The following SNRPN variants were observed in gnomAD, a reference collection of about 807,000 sequenced individuals.
SNRPN encodes the protein small nuclear ribonucleoprotein-associated protein N.
A neutral mutation model predicts 25.2 loss-of-function variants in SNRPN; 7 were observed. That is an observed-to-expected ratio of 0.28 (90% CI 0.16 to 0.52). The LOEUF (loss-of-function observed/expected upper bound fraction) is 0.52, where lower values mean the gene tolerates loss of function less well. Among genes scored for constraint, SNRPN ranks in the 20% least tolerant of loss-of-function variants. The pLI is 0.96. For synonymous variants in SNRPN, 124 were observed against 110.6 expected, an observed-to-expected ratio of 1.12 and a Z score of -0.76; for missense variants, 196 against 322.5, an observed-to-expected ratio of 0.61 and a Z score of 3.00.
At chr15:24,960,646 T>G (rs543472916) in intron 1 of SNRPN, among the ~76,000 whole-genome samples, 1 of 152,360 alleles carries the variant, frequency 6.6e-6, no homozygotes, top group South Asian at 2.1e-4. Context: ...ATGTTCAGCA[T>G]CATTTCATAT....
chr15:24,970,898 CA>C (rs2076316988), intron 3 of SNRPN, among the ~76,000 whole-genome samples: 2 of 151,958 alleles, frequency 1.3e-5, no homozygotes, highest in Admixed American at 6.6e-5. Flanking sequence ...TAATATTTTG[CA>C]TTTAGTTTTC....
At chr15:24,825,161 G>A (rs1017435003) in intron 1 of SNRPN, among the ~76,000 whole-genome samples, 4 of 151,944 alleles carry the variant, frequency 2.6e-5, no homozygotes, top group African/African-American at 9.7e-5. Context: ...GCTGCAGTCA[G>A]GCACTCGGGG....
At chr15:24,961,239 T>C (rs991966987) in intron 1 of SNRPN, among the ~76,000 whole-genome samples, 5 of 152,190 alleles carry the variant, frequency 3.3e-5, no homozygotes, top group Non-Finnish European at 5.9e-5. Context: ...TTTAAACTCT[T>C]GAAAGAATAA....
At chr15:24,873,598 C>T (rs551177145) in intron 1 of SNRPN, among the ~76,000 whole-genome samples, 1 of 152,066 alleles carries the variant, frequency 6.6e-6, no homozygotes, top group East Asian at 2.0e-4. Context: ...CAAGTGCCCA[C>T]CACCACGCCT....
chr15:24,867,535 C>A (rs1180773070), intron 1 of SNRPN, among the ~76,000 whole-genome samples: 1 of 152,008 alleles, frequency 6.6e-6, no homozygotes, highest in Non-Finnish European at 1.5e-5. Flanking sequence ...CCACCACGCT[C>A]AGCTAATTTT....
At chr15:24,864,339 CTTTTTTTT>C (rs58622804) in intron 1 of SNRPN, among the ~76,000 whole-genome samples, 2 of 117,276 alleles carry the variant, frequency 1.7e-5, no homozygotes, top group Admixed American at 9.0e-5. Context: ...CTCTTCTTTT[CTTTTTTTT>C]TTTTTTTTTT....
chr15:24,976,464 A>G (rs2077070940), intron 6 of SNRPN, 48 bp downstream of exon 6: 3 of 1,230,260 alleles, frequency 2.4e-6, no homozygotes, highest in South Asian at 1.3e-5. Flanking sequence ...CAGGGACATC[A>G]TATTATGTGA....
At chr15:24,912,354 A>G (rs1196016452) in intron 2 of SNRPN, 1 of 152,124 alleles carries the variant, frequency 6.6e-6, no homozygotes, top group Non-Finnish European at 1.5e-5. Context: ...AATCTGTTTG[A>G]CTTCACAGGT....
chr15:24,977,699 A>G (rs1226147839), intron 7 of SNRPN, 79 bp from the exon 8 acceptor site: 1 of 1,360,568 alleles, frequency 7.3e-7, no homozygotes, highest in Non-Finnish European at 9.9e-7. Flanking sequence ...CTAATTGGTC[A>G]TTTTTCTCAT....
At chr15:24,950,849 C>T (rs995723197), upstream of SNRPN, among the ~76,000 whole-genome samples, 16 of 150,652 alleles carry the variant, frequency 1.1e-4, no homozygotes, top group Admixed American at 2.0e-4. Flanking sequence ...TGCCCGGCCC[C>T]TATGTTTTCC....
At chr15:24,927,636 T>C (rs1390245471) in intron 3 of SNRPN, among the ~76,000 whole-genome samples, 5 of 152,032 alleles carry the variant, frequency 3.3e-5, no homozygotes, top group Non-Finnish European at 7.3e-5. Flanking sequence ...ATATAACATT[T>C]ATACAATTAT....
At chr15:24,879,029 A>T (rs1338323974) in intron 1 of SNRPN, among the ~76,000 whole-genome samples, 1 of 152,008 alleles carries the variant, frequency 6.6e-6, no homozygotes, top group East Asian at 1.9e-4. Context: ...TATATTTTTA[A>T]AATATATTTA....
chr15:24,954,517 A>C (rs569782025), upstream of SNRPN, among the ~76,000 whole-genome samples: 2 of 152,310 alleles, frequency 1.3e-5, no homozygotes, highest in African/African-American at 4.8e-5. Context: ...ACAATGTAGC[A>C]TGCTTTTAGA....
At chr15:24,859,949 C>G (rs565851273) in intron 1 of SNRPN, among the ~76,000 whole-genome samples, 70 of 152,284 alleles carry the variant, frequency 4.6e-4, no homozygotes, top group African/African-American at 1.6e-3. Flanking sequence ...TTTTAGCCGG[C>G]CTCTTTACTG....
chr15:24,850,915 A>AT lies in SNRPN; in HGVS notation c.-579+21020dup, dbSNP rs200741145. 6.6e-3 allele frequency: 974 copies of AT among 148,680 alleles called. 13 individuals carry two copies. Among genetic ancestry groups the AT allele is most frequent in the East Asian group, 0.053 (267 of 5,014 alleles). The allele number at this position is 148,680 out of a possible 1,614,324, so 9.2% of individuals were successfully genotyped here. On this transcript the variant is annotated intron_variant, in intron 2 of 12. Transcript: ENST00000400100. The stretch of plus-strand genomic sequence containing the variant: ...GAAACCATATCTGTGAGGAGTTTTT[A>AT]TTTTTTTTTTGTTTTCTTTTTTTGA...
At chr15:24,864,514 T>C (rs1204563225) in intron 1 of SNRPN, among the ~76,000 whole-genome samples, 1 of 151,858 alleles carries the variant, frequency 6.6e-6, no homozygotes, top group Non-Finnish European at 1.5e-5. Flanking sequence ...CAGCTAATTT[T>C]TGTATTTTTA....
chr15:24,855,327 G>C (rs897103735), upstream of SNRPN, among the ~76,000 whole-genome samples: 1 of 152,132 alleles, frequency 6.6e-6, no homozygotes, highest in Non-Finnish European at 1.5e-5. Flanking sequence ...CAAGAGGTCG[G>C]CACTAGTTTT....
intron 3 of SNRPN, among the ~76,000 whole-genome samples, chr15:24,925,256 C>T (rs919117074): frequency 1.7e-4 from 26 of 151,980 alleles, no homozygotes; most frequent in African/African-American, 5.8e-4. Flanking sequence ...AGGACATTTC[C>T]GGTGTTTTAT....
upstream of SNRPN, among the ~76,000 whole-genome samples, chr15:24,853,945 A>G (rs1039384371): frequency 2.6e-5 from 4 of 152,234 alleles, no homozygotes; most frequent in African/African-American, 9.6e-5. Flanking sequence ...GAGTATCTGC[A>G]AAAATAATTT....
Sources: gnomAD v4.1 joint callset for allele counts (sites outside exome capture counted in the v4.1 genomes callset) on GRCh38, gnomAD v4.1.1 for gene constraint, MANE v1.5 for transcripts, NCBI Gene and HGNC (gene_info 2026-07-23, HGNC 2026-07-21) for gene names.